The following STK39 variants were observed in gnomAD, a reference collection of about 807,000 sequenced individuals.
STK39 encodes serine/threonine kinase 39.
Under a neutral mutation model 77.8 loss-of-function variants are expected in STK39, and 20 were observed. The observed-to-expected ratio is 0.26, with a 90% CI of 0.18 to 0.37. STK39 has a LOEUF of 0.37. Among genes scored for constraint, STK39 ranks in the 10% least tolerant of loss-of-function variants. STK39 has a pLI of 1.00. For synonymous variants in STK39, 246 were observed against 234.1 expected, an observed-to-expected ratio of 1.05 and a Z score of -0.47; for missense variants, 479 against 656.5, an observed-to-expected ratio of 0.73 and a Z score of 2.95.
chr2:168,208,755 C>T (rs1280715693), intron 1 of STK39, among the ~76,000 whole-genome samples: 1 of 152,218 alleles, frequency 6.6e-6, no homozygotes, highest in Non-Finnish European at 1.5e-5. Context: ...TGATGAGCAC[C>T]TCTCCATCAC....
At chr2:168,124,960 C>T (rs1687503202) in intron 10 of STK39, among the ~76,000 whole-genome samples, 2 of 151,750 alleles carry the variant, frequency 1.3e-5, no homozygotes, top group South Asian at 4.2e-4. Flanking sequence ...ACATCACATA[C>T]TGGGGTCTGT....
intron 8 of STK39, among the ~76,000 whole-genome samples, chr2:168,135,923 G>C (rs1477488607): frequency 6.6e-6 from 1 of 150,998 alleles, no homozygotes; most frequent in African/African-American, 2.4e-5. Context: ...GTTTTTAAGA[G>C]AGTGGTCTCT....
chr2:168,136,211 C>G (rs1454246855), intron 8 of STK39, among the ~76,000 whole-genome samples: 1 of 150,616 alleles, frequency 6.6e-6, no homozygotes, highest in East Asian at 1.9e-4. Flanking sequence ...TACTAAAATA[C>G]AAAAAAAATT....
chr2:168,070,076 G>T (rs1559082306), intron 12 of STK39, among the ~76,000 whole-genome samples: 1 of 152,078 alleles, frequency 6.6e-6, no homozygotes, highest in Non-Finnish European at 1.5e-5. Flanking sequence ...GTCAAAAGAA[G>T]ATCAATAATG....
chr2:168,190,586 T>TA (rs1559139685), intron 1 of STK39, among the ~76,000 whole-genome samples: 1 of 152,112 alleles, frequency 6.6e-6, no homozygotes, highest in Non-Finnish European at 1.5e-5. Flanking sequence ...CAGGCTAATA[T>TA]AAACTAGGGA....
intron 16 of STK39, among the ~76,000 whole-genome samples, chr2:167,983,153 A>G (rs148299342): frequency 3.9e-5 from 6 of 152,286 alleles, no homozygotes; most frequent in Non-Finnish European, 7.4e-5. Flanking sequence ...AACTCTCATT[A>G]TGGTTAGAAG....
intron 12 of STK39, among the ~76,000 whole-genome samples, chr2:168,070,752 A>G (rs1409890120): frequency 6.6e-6 from 1 of 152,024 alleles, no homozygotes; most frequent in Non-Finnish European, 1.5e-5. Context: ...AGCTTCATCC[A>G]TGTCCCTACA....
intron 16 of STK39, among the ~76,000 whole-genome samples, chr2:167,966,568 A>G (rs1463997480): frequency 6.6e-6 from 1 of 152,184 alleles, no homozygotes; most frequent in Non-Finnish European, 1.5e-5. Context: ...TTCAGTCAAA[A>G]GCAGAGCTCT....
chr2:168,147,584 G>A (rs532357075), intron 5 of STK39, among the ~76,000 whole-genome samples: 2 of 146,436 alleles, frequency 1.4e-5, no homozygotes, highest in East Asian at 4.2e-4. Context: ...CTTATGCCCG[G>A]TACACATGGG....
chr2:168,118,148 TGGA>T lies in STK39; in HGVS notation c.1089+11390_1089+11392del, dbSNP rs1450265437. On this transcript the variant is annotated intron_variant, in intron 10 of 17. Coordinates refer to ENST00000355999, the MANE Select transcript of STK39 (RefSeq NM_013233.3). ...GCTCGGGGAGCACTGCATGGACAGATGGAGGAGGAGGAGGAGGCAGTCGGGAGC... is the reference window on the plus strand; with the variant it reads ...GCTCGGGGAGCACTGCATGGACAGATGGAGGAGGAGGAGGCAGTCGGGAGC... Among the ~76,000 whole-genome samples the T allele has an allele frequency of 2.6e-5, 4 of 151,822 alleles. No homozygotes were observed. The South Asian group carries it at 8.3e-4, about 32-fold the overall frequency.
chr2:168,187,171 T>A (rs1184989326), intron 1 of STK39, among the ~76,000 whole-genome samples: 1 of 152,034 alleles, frequency 6.6e-6, no homozygotes, highest in African/African-American at 2.4e-5. Context: ...ACCAGCATGG[T>A]GAAACCCCGT....
chr2:168,219,869 C>CTTT (rs200725506), intron 1 of STK39, among the ~76,000 whole-genome samples: 15 of 86,614 alleles, frequency 1.7e-4, no homozygotes, highest in African/African-American at 4.1e-4. Flanking sequence ...ACTTTTCTTG[C>CTTT]TTTTTTTTTT....
chr2:168,161,893 G>T, intron 4 of STK39, 51 bp from the exon 5 acceptor site: 1 of 1,357,666 alleles, frequency 7.4e-7, no homozygotes, highest in South Asian at 1.3e-5. Context: ...ACTTTATAGT[G>T]TATTGATTCA....
intron 1 of STK39, among the ~76,000 whole-genome samples, chr2:168,242,200 T>C (rs1189991369): frequency 1.3e-5 from 2 of 152,142 alleles, no homozygotes; most frequent in Admixed American, 1.3e-4. Flanking sequence ...TTAATGCTAC[T>C]GAATTGCACA....
At chr2:168,016,481 C>G (rs749559666) in intron 15 of STK39, among the ~76,000 whole-genome samples, 30 of 150,352 alleles carry the variant, frequency 2.0e-4, no homozygotes, top group Non-Finnish European at 1.5e-5. Context: ...TCACCATTCA[C>G]TTTGGCTTCT....
At chr2:168,007,144 A>T (rs6754641) in intron 16 of STK39, among the ~76,000 whole-genome samples, 4,012 of 152,334 alleles carry the variant, frequency 0.026, 160 homozygotes, top group African/African-American at 0.091. Flanking sequence ...ATTTTATATT[A>T]TAGAAGCAGA....
At chr2:168,016,928 C>T in intron 15 of STK39, 115 bp downstream of exon 15, 2 of 761,492 alleles carry the variant, frequency 2.6e-6, no homozygotes, top group South Asian at 2.3e-5. Flanking sequence ...TCTCTCCTTC[C>T]TTCCTTCACT....
intron 17 of STK39, among the ~76,000 whole-genome samples, chr2:167,960,858 GT>G (rs1691936978): frequency 6.6e-6 from 1 of 152,152 alleles, no homozygotes; most frequent in Non-Finnish European, 1.5e-5. Context: ...TAAAGCATTG[GT>G]TCTCAAACTT....
chr2:168,200,862 T>C (rs1028461809), intron 1 of STK39, among the ~76,000 whole-genome samples: 1 of 152,200 alleles, frequency 6.6e-6, no homozygotes, highest in East Asian at 1.9e-4. Flanking sequence ...CACAGAAATG[T>C]CCACCTGCCA....
Sources: allele counts gnomAD v4.1 joint callset (sites outside exome capture counted in the v4.1 genomes callset), GRCh38; gene constraint gnomAD v4.1.1; transcripts MANE v1.5; gene names NCBI Gene and HGNC (gene_info 2026-07-23, HGNC 2026-07-21).